Variants in ZNF704 observed in about 807,000 individuals in gnomAD.
ZNF704 encodes zinc finger protein 704.
ZNF704 carries 10 observed loss-of-function variants against 44.7 expected under a neutral mutation model. That is an observed-to-expected ratio of 0.22 (90% CI 0.14 to 0.38). ZNF704 has a LOEUF of 0.38. ZNF704 is among the 10% of genes least tolerant of loss of function. The probability of loss-of-function intolerance (pLI) is 1.00; values close to 1 mark genes in which losing one functional copy is unlikely to be tolerated. For synonymous variants in ZNF704, 211 were observed against 207.6 expected, an observed-to-expected ratio of 1.02 and a Z score of -0.14; for missense variants, 390 against 545.5, an observed-to-expected ratio of 0.71 and a Z score of 2.84.
intron 2 of ZNF704, among the ~76,000 whole-genome samples, chr8:80,784,606 G>T (rs1020938058): frequency 2.0e-5 from 3 of 152,070 alleles, no homozygotes; most frequent in African/African-American, 7.2e-5. Context: ...TTTTAATTGG[G>T]TTGTTTTTTT....
intron 2 of ZNF704, among the ~76,000 whole-genome samples, chr8:80,742,181 G>A (rs1168490546): frequency 3.3e-5 from 5 of 152,102 alleles, no homozygotes; most frequent in African/African-American, 1.2e-4. Context: ...ACCGCCAAGC[G>A]GATATTGAAG....
intron 4 of ZNF704, among the ~76,000 whole-genome samples, chr8:80,682,427 T>G (rs1014059086): frequency 2.0e-5 from 3 of 152,240 alleles, no homozygotes; most frequent in African/African-American, 7.2e-5. Flanking sequence ...TGATGAAGGC[T>G]GAAATTTAGA....
chr8:80,739,272 G>A (rs958163091), intron 2 of ZNF704, among the ~76,000 whole-genome samples: 1 of 152,182 alleles, frequency 6.6e-6, no homozygotes, highest in Non-Finnish European at 1.5e-5. Context: ...TTATACATCA[G>A]GTGCTCAGAT....
chr8:80,756,650 C>A (rs1283580154), intron 2 of ZNF704, among the ~76,000 whole-genome samples: 1 of 152,158 alleles, frequency 6.6e-6, no homozygotes, highest in African/African-American at 2.4e-5. Flanking sequence ...TAATGGTAGA[C>A]CACAATGCAT....
chr8:80,811,012 G>C (rs1207864075), intron 2 of ZNF704, among the ~76,000 whole-genome samples: 1 of 152,140 alleles, frequency 6.6e-6, no homozygotes, highest in African/African-American at 2.4e-5. Context: ...AGGAAAAGAG[G>C]GAGAGCAAGA....
intron 2 of ZNF704, among the ~76,000 whole-genome samples, chr8:80,700,069 C>T (rs1229982012): frequency 5.9e-5 from 9 of 152,228 alleles, no homozygotes; most frequent in African/African-American, 2.2e-4. Flanking sequence ...CTTTGAGGCA[C>T]AGGCCATGCA....
upstream of ZNF704, among the ~76,000 whole-genome samples, chr8:80,876,959 T>C (rs941585910): frequency 7.9e-5 from 12 of 152,096 alleles, no homozygotes; most frequent in African/African-American, 2.7e-4. Flanking sequence ...TTGCTATAGA[T>C]GAAAGAAAGT....
Position 80,861,991 on chromosome 8 carries a change from C to CTTTTTTTTTTT in ZNF704, c.-22+12569_-22+12579dup, listed in dbSNP as rs71266093. On this transcript the variant is annotated intron_variant, in intron 1 of 8. Transcript: ENST00000327835. ...GTTGAACAAGATAGAAAAAAATAAC[C>CTTTTTTTTTTT]TTTTTTTTTTTTTTTTTTTTTTTTT... 5.4e-5 allele frequency among the ~76,000 whole-genome samples: 5 copies of CTTTTTTTTTTT among 92,950 alleles called. 2 individuals are homozygous for CTTTTTTTTTTT. Among genetic ancestry groups the CTTTTTTTTTTT allele is most frequent in the African/African-American group, 2.7e-4 (5 of 18,510 alleles). The allele number at this position is 92,950 out of a possible 152,430, so 61.0% of individuals were successfully genotyped here.
intron 2 of ZNF704, among the ~76,000 whole-genome samples, chr8:80,798,452 T>C (rs1321769565): frequency 6.6e-6 from 1 of 152,092 alleles, no homozygotes; most frequent in Non-Finnish European, 1.5e-5. Context: ...ACAGGGTTTC[T>C]CCATGTTGGT....
intron 1 of ZNF704, among the ~76,000 whole-genome samples, chr8:80,835,354 G>C (rs1296527308): frequency 6.6e-6 from 1 of 152,154 alleles, no homozygotes; most frequent in Admixed American, 6.5e-5. Context: ...ATCTTGCCAA[G>C]GTTAAGAACT....
At chr8:80,789,257 C>T (rs1807663818) in intron 2 of ZNF704, among the ~76,000 whole-genome samples, 1 of 152,114 alleles carries the variant, frequency 6.6e-6, no homozygotes, top group South Asian at 2.1e-4. Flanking sequence ...CATCATCATG[C>T]ACTTCTGACA....
At chr8:80,820,074 G>A (rs1017130982) in intron 2 of ZNF704, among the ~76,000 whole-genome samples, 16 of 152,086 alleles carry the variant, frequency 1.1e-4, no homozygotes, top group African/African-American at 3.9e-4. Flanking sequence ...ATGATTTTTG[G>A]CAACAAAATG....
chr8:80,722,287 C>T (rs181949921), intron 2 of ZNF704, among the ~76,000 whole-genome samples: 134 of 152,252 alleles, frequency 8.8e-4, no homozygotes, highest in African/African-American at 3.1e-3. Context: ...AAACAAAAAA[C>T]GACTGCCTGT....
chr8:80,878,244 AAGAG>A (rs1273484238), upstream of ZNF704, among the ~76,000 whole-genome samples: 22 of 143,348 alleles, frequency 1.5e-4, no homozygotes, highest in African/African-American at 5.8e-4. Context: ...ATCAGAAAGA[AAGAG>A]AAAGAAAGGA....
rs191933469 is a variant in ZNF704 at position 80,868,194 on chromosome 8, G to A, written c.-22+6377C>T. Reference sequence around the variant, plus strand: ...TTTTGGTAATGTTCCTTATACAGGCGCCCAGGGGTTAGTTGGTGGTAGGCA... The same window carrying A: ...TTTTGGTAATGTTCCTTATACAGGCACCCAGGGGTTAGTTGGTGGTAGGCA... On this transcript the variant is annotated intron_variant, in intron 1 of 8. Transcript: ENST00000327835. Among the ~76,000 whole-genome samples, 165 of 152,252 alleles carry A rather than the reference G, an allele frequency of 1.1e-3. 3 individuals carry two copies. The South Asian group carries it at 0.031, about 28-fold the overall frequency.
At chr8:80,647,303 A>G (rs1159261032) in intron 7 of ZNF704, among the ~76,000 whole-genome samples, 1 of 152,152 alleles carries the variant, frequency 6.6e-6, no homozygotes, top group Non-Finnish European at 1.5e-5. Flanking sequence ...TGAGGAGGTT[A>G]CCTTTCACCT....
intron 2 of ZNF704, among the ~76,000 whole-genome samples, chr8:80,798,059 T>C (rs374675946): frequency 1.3e-5 from 2 of 152,186 alleles, no homozygotes; most frequent in East Asian, 3.9e-4. Flanking sequence ...TGCTCTTTTT[T>C]TCATTTTAAT....
chr8:80,664,112 T>G (rs558857021), intron 6 of ZNF704, among the ~76,000 whole-genome samples: 1 of 151,912 alleles, frequency 6.6e-6, no homozygotes, highest in East Asian at 1.9e-4. Flanking sequence ...TTTTTTTTGT[T>G]TTTGAAACAG....
At chr8:80,680,248 T>C (rs1761974612) in intron 4 of ZNF704, among the ~76,000 whole-genome samples, 1 of 152,136 alleles carries the variant, frequency 6.6e-6, no homozygotes, top group African/African-American at 2.4e-5. Context: ...ATAACATGCA[T>C]ATGACGTGTA....
Sources: allele counts gnomAD v4.1 joint callset (sites outside exome capture counted in the v4.1 genomes callset), GRCh38; gene constraint gnomAD v4.1.1; transcripts MANE v1.5; gene names NCBI Gene and HGNC (gene_info 2026-07-23, HGNC 2026-07-21).